EFHD1: variants seen among roughly 807,000 people sequenced by gnomAD.
The protein encoded by EFHD1 is EF-hand domain family member D1.
EFHD1 carries 10 observed loss-of-function variants against 17.2 expected under a neutral mutation model. The observed-to-expected ratio is 0.58, with a 90% CI of 0.36 to 0.99. The LOEUF (loss-of-function observed/expected upper bound fraction) is 0.99. EFHD1 is among the 50% of genes least tolerant of loss of function. The pLI is 0.01. For missense variants in EFHD1, 310 were observed against 327.5 expected (o/e 0.95, Z 0.41); for synonymous variants, 153 against 142.0 (o/e 1.08, Z -0.55).
At chr2:232,613,602 CCACACACA>C (rs138706897) in intron 1 of EFHD1, among the ~76,000 whole-genome samples, 64 of 138,386 alleles carry the variant, frequency 4.6e-4, no homozygotes, top group East Asian at 3.2e-3. Context: ...CAAAGAGGAA[CCACACACA>C]CACACACACA....
chr2:232,641,710 C>T (rs145959017), intron 1 of EFHD1, among the ~76,000 whole-genome samples: 281 of 152,352 alleles, frequency 1.8e-3, no homozygotes, highest in African/African-American at 6.2e-3. Flanking sequence ...CCAAGTTAGC[C>T]AGCCCCCATG....
chr2:232,619,715 C>T (rs542459236), intron 1 of EFHD1, among the ~76,000 whole-genome samples: 1 of 152,178 alleles, frequency 6.6e-6, no homozygotes, highest in Non-Finnish European at 1.5e-5. Flanking sequence ...GCTCTGGATG[C>T]CACTGAATTG....
chr2:232,633,515 C>G (rs1051745448), upstream of EFHD1: 5 of 1,266,572 alleles, frequency 3.9e-6, no homozygotes, highest in Non-Finnish European at 5.0e-6. Context: ...AGCCCTGGCG[C>G]CTCCTTAAAG....
chr2:232,672,485 C>G (rs778910711), intron 3 of EFHD1, 42 bp downstream of exon 3: 2 of 1,547,240 alleles, frequency 1.3e-6, no homozygotes, highest in Non-Finnish European at 1.7e-6. Context: ...CCACTCCCAG[C>G]CTTCACGCTG....
chr2:232,608,693 G>C (rs1693761690), intron 1 of EFHD1, among the ~76,000 whole-genome samples: 1 of 152,048 alleles, frequency 6.6e-6, no homozygotes, highest in Non-Finnish European at 1.5e-5. Context: ...CACTTTGAGA[G>C]GCGGAGGCGG....
chr2:232,672,428 C>T lies in EFHD1; in HGVS notation c.570C>T (p.Asn190=), dbSNP rs1287183037. The T allele has an allele frequency of 6.2e-7, 1 of 1,604,240 alleles. No individual in the cohort carries two copies. Among genetic ancestry groups the T allele is most frequent in the Admixed American group, 1.7e-5 (1 of 58,244 alleles). The change falls in exon 3 of 4, where the codon AAC becomes AAT. Residue 190 remains asparagine (N), a synonymous_variant. Transcript: ENST00000264059. ...TGGAGGGTGTCAAAGGTGCCAAGAA[C>T]TTCTTTGAAGCCAAGGTAGGTGCTT... ...VALEGVKGAK[N]FFEAKVQALS...
intron 3 of EFHD1, among the ~76,000 whole-genome samples, chr2:232,681,018 TGG>T (rs1695272486): frequency 7.6e-6 from 1 of 130,966 alleles, no homozygotes; most frequent in Admixed American, 7.1e-5. Flanking sequence ...TAACCAGGCA[TGG>T]TGGCGTGCAC....
intron 1 of EFHD1, among the ~76,000 whole-genome samples, chr2:232,612,167 G>A (rs909856783): frequency 2.6e-5 from 4 of 152,114 alleles, no homozygotes; most frequent in African/African-American, 9.7e-5. Context: ...TCAGTTTGTA[G>A]CATTGCAACT....
rs1693775708 is a variant in EFHD1 at position 232,609,556 on chromosome 2, C to T, written c.14+3383C>T. On this transcript the variant is annotated intron_variant, in intron 1 of 3. Coordinates refer to the EFHD1 transcript ENST00000409613. ...TTCAGAGATGAATTGACTAAAGCCC[C>T]CCTAAGTGGCCCCCCAGTAGGAAGG... Among the ~76,000 whole-genome samples the T allele has an allele frequency of 2.0e-5, 3 of 152,106 alleles. No homozygotes were observed. In the South Asian group the frequency reaches 6.2e-4, roughly 32 times the overall value.
chr2:232,633,617 G>C lies in EFHD1; in HGVS notation c.-88G>C. On this transcript the variant is annotated 5_prime_UTR_variant, in exon 1 of 4. Coordinates refer to ENST00000264059, the MANE Select transcript of EFHD1 (RefSeq NM_025202.4). ...CGCCGCCTCGGCGGAGTGTTGTAGAGCCTCGAGCCTGCGAGGAGCGCGCCG... is the reference window on the plus strand; with the variant it reads ...CGCCGCCTCGGCGGAGTGTTGTAGACCCTCGAGCCTGCGAGGAGCGCGCCG... The C allele has an allele frequency of 7.5e-7, 1 of 1,340,842 alleles. No homozygotes were observed. Among genetic ancestry groups the C allele is most frequent in the Non-Finnish European group, 9.5e-7 (1 of 1,054,474 alleles). The allele number at this position is 1,340,842 out of a possible 1,614,324, so 83.1% of individuals were successfully genotyped here. A position where few individuals can be genotyped will look rare whatever the true frequency, so the allele number is the denominator to read the frequency against.
intron 3 of EFHD1, among the ~76,000 whole-genome samples, chr2:232,680,656 A>T (rs1695262351): frequency 6.6e-6 from 1 of 151,990 alleles, no homozygotes; most frequent in African/African-American, 2.4e-5. Context: ...TTAAAGGCAC[A>T]CGTCACCATA....
chr2:232,635,125 GT>G (rs1324924664), intron 1 of EFHD1, among the ~76,000 whole-genome samples: 4 of 152,188 alleles, frequency 2.6e-5, no homozygotes, highest in Non-Finnish European at 5.9e-5. Flanking sequence ...GATCTGTGGC[GT>G]TTTCTGGGTC....
exon 1 of EFHD1, chr2:232,606,139 C>T: frequency 6.5e-7 from 1 of 1,550,196 alleles, no homozygotes; most frequent in Non-Finnish European, 8.7e-7. Context: ...ATCTGTAACG[C>T]TGACAGTCCC....
rs191449701 is a variant in EFHD1 at position 232,616,981 on chromosome 2, G to A, written c.14+10808G>A. On this transcript the variant is annotated intron_variant, in intron 1 of 3. Coordinates refer to the EFHD1 transcript ENST00000409613. ...GATGTCTGAGGCCTCATCTGGAGGC[G>A]ACCCTAGTGAGTAGGGCTGGAAGGG... Among the ~76,000 whole-genome samples, 929 of 152,286 alleles carry A rather than the reference G, an allele frequency of 6.1e-3. 8 individuals carry two copies. The highest frequency in any genetic ancestry group is 0.021 in the African/African-American group (882 of 41,546).
intron 1 of EFHD1, among the ~76,000 whole-genome samples, chr2:232,642,251 T>A (rs1025266503): frequency 6.6e-6 from 1 of 150,818 alleles, no homozygotes; most frequent in Non-Finnish European, 1.5e-5. Flanking sequence ...GGTGTGGTGG[T>A]GGGTGCCTGT....
chr2:232,624,637 C>T (rs1329060337), intron 1 of EFHD1, among the ~76,000 whole-genome samples: 1 of 152,312 alleles, frequency 6.6e-6, no homozygotes, highest in South Asian at 2.1e-4. Flanking sequence ...GCAGCCAAGC[C>T]GGGGAAAGTT....
intron 1 of EFHD1, among the ~76,000 whole-genome samples, chr2:232,657,983 C>T (rs1358442381): frequency 1.4e-5 from 2 of 147,352 alleles, no homozygotes; most frequent in Non-Finnish European, 3.0e-5. Context: ...TCACTGCAAC[C>T]TCTGCCTCCC....
At chr2:232,632,532 G>A (rs891671974), upstream of EFHD1, among the ~76,000 whole-genome samples, 19 of 152,314 alleles carry the variant, frequency 1.2e-4, no homozygotes, top group Middle Eastern at 3.4e-3. Context: ...AATGACGACT[G>A]TATTTGTTTT....
intron 1 of EFHD1, among the ~76,000 whole-genome samples, chr2:232,627,949 A>G (rs756166922): frequency 3.3e-5 from 5 of 152,210 alleles, no homozygotes; most frequent in Non-Finnish European, 7.3e-5. Context: ...TTGTAAAACC[A>G]TCGTCACTAT....
Sources: allele counts gnomAD v4.1 joint callset (sites outside exome capture counted in the v4.1 genomes callset), GRCh38; gene constraint gnomAD v4.1.1; transcripts MANE v1.5; gene names NCBI Gene and HGNC (gene_info 2026-07-23, HGNC 2026-07-21).